Variants in USP45 observed in about 807,000 individuals in gnomAD.
USP45 encodes the protein ubiquitin carboxyl-terminal hydrolase 45.
Under a neutral mutation model 95.8 loss-of-function variants are expected in USP45, and 89 were observed. The ratio of observed to expected loss-of-function variants is 0.93; its 90% CI spans 0.78 to 1.11. USP45 has a LOEUF of 1.11. Among genes scored for constraint, USP45 ranks in the 50% least tolerant of loss-of-function variants. The pLI, the probability that USP45 is intolerant of heterozygous loss-of-function variation, is 0.00. For synonymous variants in USP45, 281 were observed against 316.2 expected (o/e 0.89, Z 1.18); for missense variants, 898 against 942.5 (o/e 0.95, Z 0.62).
At chr6:99,447,697 G>A (rs1040802332) in intron 13 of USP45, among the ~76,000 whole-genome samples, 1 of 152,136 alleles carries the variant, frequency 6.6e-6, no homozygotes, top group Admixed American at 6.6e-5. Flanking sequence ...GAAGAGAGTA[G>A]TGGTTCTCGC....
chr6:99,473,818 T>C (rs1438020839), intron 9 of USP45, among the ~76,000 whole-genome samples: 8 of 47,438 alleles, frequency 1.7e-4, no homozygotes. Flanking sequence ...ACAGAACATC[T>C]ACTATGTGCA....
chr6:99,507,800 A>C (rs1057359832), intron 3 of USP45, among the ~76,000 whole-genome samples: 5 of 152,252 alleles, frequency 3.3e-5, no homozygotes, highest in Admixed American at 1.3e-4. Flanking sequence ...TGGAACACCC[A>C]GCATCCTGGC....
At chr6:99,436,905 G>C (rs964275787) in intron 17 of USP45, among the ~76,000 whole-genome samples, 1 of 152,080 alleles carries the variant, frequency 6.6e-6, no homozygotes, top group African/African-American at 2.4e-5. Context: ...TTTGAGGCCA[G>C]CCTGGCCAAC....
intron 5 of USP45, among the ~76,000 whole-genome samples, chr6:99,490,427 A>ATG: frequency 6.6e-6 from 1 of 151,222 alleles, no homozygotes; most frequent in Non-Finnish European, 1.5e-5. Flanking sequence ...TGATCCACCC[A>ATG]CCTCGGGCTC....
chr6:99,514,255 C>T (rs530408946), intron 1 of USP45, among the ~76,000 whole-genome samples: 6 of 152,242 alleles, frequency 3.9e-5, no homozygotes, highest in African/African-American at 1.4e-4. Context: ...GTCTCCCTCC[C>T]AAGAGGGGTC....
chr6:99,442,780 G>A (rs1395378242), intron 15 of USP45, among the ~76,000 whole-genome samples: 1 of 152,176 alleles, frequency 6.6e-6, no homozygotes, highest in Non-Finnish European at 1.5e-5. Flanking sequence ...CCAGGAGTTG[G>A]AGGTTGCAGG....
chr6:99,453,638 AT>A lies in USP45; in HGVS notation c.1309-7176del, dbSNP rs544166345. Among the ~76,000 whole-genome samples the A allele has an allele frequency of 2.0e-4, 30 of 152,326 alleles. No individual in the cohort carries two copies. In the South Asian group the frequency reaches 6.0e-3, roughly 30 times the overall value. ...TCAAAATTCCAATGACGTTTTTCAC[AT>A]AAAAAGAAAAAACAATCCTAAAATA... On this transcript the variant is annotated intron_variant, in intron 13 of 17. Coordinates refer to ENST00000500704, the MANE Select transcript of USP45 (RefSeq NM_001346022.3).
intron 1 of USP45, chr6:99,515,154 C>T: frequency 6.6e-6 from 1 of 152,490 alleles, no homozygotes; most frequent in Non-Finnish European, 1.5e-5. Context: ...CCCTCCCAGG[C>T]CAGCCCCGAC....
At chr6:99,473,257 G>C (rs994233557) in intron 9 of USP45, among the ~76,000 whole-genome samples, 1 of 151,974 alleles carries the variant, frequency 6.6e-6, no homozygotes, top group African/African-American at 2.4e-5. Flanking sequence ...CATTCACAGG[G>C]AGCCCGGAGT....
intron 9 of USP45, 139 bp downstream of exon 9, chr6:99,476,003 GA>G: frequency 3.2e-6 from 2 of 627,770 alleles, no homozygotes; most frequent in Non-Finnish European, 2.7e-6. Flanking sequence ...TTTTATTAGA[GA>G]CGAGGTTTCA....
At chr6:99,478,592 C>T (rs1295948313) in intron 8 of USP45, among the ~76,000 whole-genome samples, 21 of 152,092 alleles carry the variant, frequency 1.4e-4, no homozygotes, top group Admixed American at 1.4e-3. Flanking sequence ...ATAGCAAAGA[C>T]ATGGAATCAA....
chr6:99,486,832 TAC>T (rs950462515), intron 7 of USP45, among the ~76,000 whole-genome samples: 7 of 151,202 alleles, frequency 4.6e-5, no homozygotes, highest in Non-Finnish European at 1.0e-4. Context: ...CTTACACACT[TAC>T]ACACACACAC....
chr6:99,453,083 G>A (rs1484277768), intron 13 of USP45, among the ~76,000 whole-genome samples: 9 of 151,202 alleles, frequency 6.0e-5, no homozygotes, highest in Admixed American at 2.6e-4. Context: ...TGTAAATGGC[G>A]AGTCAATGGG....
intron 5 of USP45, among the ~76,000 whole-genome samples, chr6:99,492,384 C>A (rs1344441441): frequency 1.3e-5 from 1 of 75,758 alleles, no homozygotes; most frequent in Non-Finnish European, 2.4e-5. Context: ...GGTTAAATAG[C>A]CACTTCACAC....
intron 1 of USP45, chr6:99,514,755 C>T (rs2128838836): frequency 6.6e-6 from 1 of 152,298 alleles, no homozygotes; most frequent in East Asian, 1.9e-4. Context: ...CTTTTATATA[C>T]CAAGCTCAAA....
Position 99,458,065 on chromosome 6 carries a change from G to A in USP45, c.1308+6539C>T, listed in dbSNP as rs567938095. 6.6e-5 allele frequency among the ~76,000 whole-genome samples: 10 copies of A among 152,244 alleles called. No homozygotes were observed. In the East Asian group the frequency reaches 1.9e-3, roughly 29 times the overall value. Reference sequence around the variant, plus strand: ...AGATGGAGTCTCGCTCTGTTGCCCAGGCTGGAGTGCAGTAGCGCAATCTCG... The same window carrying A: ...AGATGGAGTCTCGCTCTGTTGCCCAAGCTGGAGTGCAGTAGCGCAATCTCG... On this transcript the variant is annotated intron_variant, in intron 13 of 17. Transcript: ENST00000500704.
intron 13 of USP45, chr6:99,462,774 G>A: frequency 2.6e-6 from 2 of 783,984 alleles, no homozygotes; most frequent in Non-Finnish European, 3.1e-6. Flanking sequence ...GAGGTCATCA[G>A]GAGTTTGAGA....
At chr6:99,510,522 G>A (rs553086742) in intron 1 of USP45, among the ~76,000 whole-genome samples, 2 of 152,294 alleles carry the variant, frequency 1.3e-5, no homozygotes, top group South Asian at 4.1e-4. Flanking sequence ...GATACTTGGA[G>A]GTGAAGCCTT....
chr6:99,462,295 A>T (rs1786660741), intron 13 of USP45: 8 of 985,130 alleles, frequency 8.1e-6, no homozygotes, highest in African/African-American at 1.7e-5. Context: ...TACAGTTTCT[A>T]TATATCATAT....
Sources: allele counts gnomAD v4.1 joint callset (sites outside exome capture counted in the v4.1 genomes callset), GRCh38; gene constraint gnomAD v4.1.1; transcripts MANE v1.5; gene names NCBI Gene and HGNC (gene_info 2026-07-23, HGNC 2026-07-21).